The following C5 variants were observed in gnomAD, a reference collection of about 807,000 sequenced individuals.
C5 encodes complement C5, also known as C3 and PZP-like alpha-2-macroglobulin domain-containing protein 4.
In C5, 140 loss-of-function variants were observed where a neutral mutation model predicts 218.8. The ratio of observed to expected loss-of-function variants is 0.64; its 90% confidence interval spans 0.56 to 0.74. C5 has a LOEUF of 0.74. Ranked by LOEUF, C5 falls within the 30% of genes least tolerant of loss-of-function variation. C5 has a pLI of 0.00. For synonymous variants in C5, 614 were observed against 682.3 expected (o/e 0.90, Z 1.56); for missense variants, 1,700 against 1,969.6 (o/e 0.86, Z 2.59).
At chr9:121,036,195 A>T (rs2047523014) in intron 4 of C5, among the ~76,000 whole-genome samples, 1 of 152,218 alleles carries the variant, frequency 6.6e-6, no homozygotes, top group East Asian at 1.9e-4. Context: ...TATTTTGAAC[A>T]AGAATTATAC....
At chr9:120,978,220 A>G (rs2046967154) in intron 28 of C5, among the ~76,000 whole-genome samples, 1 of 152,148 alleles carries the variant, frequency 6.6e-6, no homozygotes, top group African/African-American at 2.4e-5. Flanking sequence ...TAAACCTCAA[A>G]TCCTTTTTGG....
intron 2 of C5, among the ~76,000 whole-genome samples, chr9:121,044,474 T>A (rs2047608877): frequency 6.6e-6 from 1 of 151,642 alleles, no homozygotes; most frequent in Admixed American, 6.6e-5. Context: ...AGACCCTGTC[T>A]CAACAACAAC....
Position 120,971,979 on chromosome 9 carries a change from T to C in C5, c.4031A>G (p.Asp1344Gly), listed in dbSNP as rs568473378. 6.2e-7 allele frequency: 1 copy of C among 1,612,974 alleles called. No homozygotes were observed. ...LGRPVEVLLN[D>G]DLIVSTGFGS... ...AAATCCTGTACTGACAATGAGGTCA[T>C]CATTGAGAAGCACCTGGAAAGATAA... The change falls in exon 31 of 41, where the codon GAT becomes GGT. Residue 1344 changes from aspartate (D) to glycine (G), a missense_variant. Transcript: ENST00000223642.
At chr9:121,023,376 G>A (rs375961343) in intron 10 of C5, 28 bp downstream of exon 10, 1 of 1,286,434 alleles carries the variant, frequency 7.8e-7, no homozygotes, top group South Asian at 1.2e-5. Context: ...ATCATATGTA[G>A]CAACGTCTAC....
At chr9:120,969,266 AGTGGTTCT>A in intron 32 of C5, 148 bp from the exon 33 acceptor site, 1 of 722,466 alleles carries the variant, frequency 1.4e-6, no homozygotes, top group Non-Finnish European at 2.5e-6. Flanking sequence ...AGATACTTTC[AGTGGTTCT>A]AATGGAAATT....
chr9:121,025,964 A>G (rs1251867058), intron 8 of C5: 1 of 180,138 alleles, frequency 5.6e-6, no homozygotes, highest in Non-Finnish European at 1.2e-5. Flanking sequence ...AAATTTAAAT[A>G]CTAATTTTAA....
At chr9:121,002,240 ATATG>A (rs202086857) in intron 20 of C5, among the ~76,000 whole-genome samples, 8,119 of 52,690 alleles carry the variant, frequency 0.15, 352 homozygotes, top group South Asian at 0.3. Context: ...GTATATATGT[ATATG>A]TATATATATG....
Position 121,043,270 on chromosome 9 carries a change from T to C in C5, c.259-104A>G, listed in dbSNP as rs41307982. 1,184 of 968,272 alleles carry C rather than the reference T, an allele frequency of 1.2e-3. 4 individuals are homozygous for C. Among genetic ancestry groups the C allele is most frequent in the African/African-American group, 0.012 (719 of 60,862 alleles). The allele number at this position is 968,272 out of a possible 1,614,324, so 60.0% of individuals were successfully genotyped here. ...ATCTCATTAGAACAATCAGTATGTA[T>C]ATGTAATCATTTAAAAAGTGATACA... On this transcript the variant is annotated intron_variant, in intron 2 of 40. Coordinates refer to ENST00000223642, the MANE Select transcript of C5 (RefSeq NM_001735.3).
intron 1 of C5, among the ~76,000 whole-genome samples, chr9:121,046,872 T>C (rs1050057751): frequency 6.6e-6 from 1 of 152,102 alleles, no homozygotes; most frequent in African/African-American, 2.4e-5. Flanking sequence ...AACATATATA[T>C]GAAAAGGTCT....
intron 9 of C5, among the ~76,000 whole-genome samples, chr9:121,024,005 C>T (rs556587601): frequency 5.3e-5 from 8 of 150,244 alleles, no homozygotes; most frequent in South Asian, 4.2e-4. Flanking sequence ...AAAGGGAGTT[C>T]GAGACCAGCC....
intron 6 of C5, among the ~76,000 whole-genome samples, chr9:121,030,724 A>G (rs1189771806): frequency 6.6e-6 from 1 of 152,222 alleles, no homozygotes; most frequent in African/African-American, 2.4e-5. Flanking sequence ...TTTTGATTAC[A>G]GCATTTATTA....
chr9:121,040,145 C>A (rs529996587), intron 3 of C5, among the ~76,000 whole-genome samples: 1 of 152,160 alleles, frequency 6.6e-6, no homozygotes, highest in Non-Finnish European at 1.5e-5. Context: ...GGGAAATCAG[C>A]GAAAGCTGCC....
chr9:120,983,512 C>G (rs1279141550), intron 25 of C5, among the ~76,000 whole-genome samples: 2 of 152,148 alleles, frequency 1.3e-5, no homozygotes, highest in Admixed American at 6.5e-5. Context: ...ACTTCCCCCA[C>G]TTAAAAAATT....
chr9:121,011,984 GGGGGAT>G (rs1244468144), intron 17 of C5, among the ~76,000 whole-genome samples: 1 of 144,156 alleles, frequency 6.9e-6, no homozygotes. Context: ...AGGAGGATGA[GGGGGAT>G]GTGGGGATGG....
chr9:121,071,300 A>G, the C5 span, among the ~76,000 whole-genome samples: 1 of 152,200 alleles, frequency 6.6e-6, no homozygotes. Context: ...AGCCTGGGCA[A>G]CAGAGTGAGA....
chr9:120,982,424 C>A (rs2047001570), intron 26 of C5, among the ~76,000 whole-genome samples: 1 of 152,184 alleles, frequency 6.6e-6, no homozygotes, highest in Non-Finnish European at 1.5e-5. Flanking sequence ...TACCTCCACC[C>A]CGTTAAACGA....
intron 20 of C5, among the ~76,000 whole-genome samples, chr9:121,002,274 ATATATACGTATATATG>A (rs1564146601): frequency 4.7e-5 from 6 of 128,176 alleles, no homozygotes; most frequent in African/African-American, 1.7e-4. Flanking sequence ...ATATATATGT[ATATATACGTATATATG>A]TATATATGTA....
chr9:121,016,832 C>T (rs2047311430), intron 14 of C5, among the ~76,000 whole-genome samples: 1 of 152,134 alleles, frequency 6.6e-6, no homozygotes, highest in African/African-American at 2.4e-5. Flanking sequence ...CTTGTTTGGA[C>T]AGGCTTATTC....
intron 25 of C5, among the ~76,000 whole-genome samples, chr9:120,984,783 G>A (rs931316232): frequency 1.2e-4 from 16 of 129,480 alleles, no homozygotes; most frequent in Non-Finnish European, 2.5e-4. Flanking sequence ...GTGCAATGGC[G>A]CAATCTTGGC....
Sources: gnomAD v4.1 joint callset for allele counts (sites outside exome capture counted in the v4.1 genomes callset) on GRCh38, gnomAD v4.1.1 for gene constraint, MANE v1.5 for transcripts, NCBI Gene and HGNC (gene_info 2026-07-23, HGNC 2026-07-21) for gene names.